The following DRAXIN variants were observed in gnomAD, a reference collection of about 807,000 sequenced individuals.
DRAXIN encodes dorsal inhibitory axon guidance protein, also known as dorsal repulsive axon guidance protein.
In DRAXIN, 27 loss-of-function variants were observed where a neutral mutation model predicts 33.9. The observed-to-expected ratio is 0.80, with a 90% CI of 0.59 to 1.10. DRAXIN has a LOEUF of 1.10. Among genes scored for constraint, DRAXIN ranks in the 50% least tolerant of loss-of-function variants. The pLI is 0.00. For synonymous variants in DRAXIN, 178 were observed against 194.0 expected (o/e 0.92, Z 0.69); for missense variants, 371 against 460.8 (o/e 0.81, Z 1.78).
At position 11,694,548 on chromosome 1, in the gene DRAXIN, C is replaced by A. The variant is rs576907859; in HGVS notation, c.-11+2695C>A. Among the ~76,000 whole-genome samples, 1 of 152,274 alleles carries A rather than the reference C, an allele frequency of 6.6e-6. No individual in the cohort carries two copies. Among genetic ancestry groups the A allele is most frequent in the East Asian group, 1.9e-4 (1 of 5,188 alleles). ...GCTGATCACTTAGCAGCTGTGGGAC[C>A]CAGAGGGAGTTCCTTCACGTGTGTC... On this transcript the variant is annotated intron_variant, in intron 1 of 6. Transcript: ENST00000294485. This position sits in a 1 kb window ranked among gnomAD's most constrained non-coding sequence, Gnocchi z 4.9.
chr1:11,715,271 T>A (rs1398701355), intron 6 of DRAXIN, 63 bp downstream of exon 6: 1 of 1,599,556 alleles, frequency 6.3e-7, no homozygotes, highest in African/African-American at 1.3e-5. Context: ...CCTCCCTTTC[T>A]CGAAGCGGCT....
intron 1 of DRAXIN, among the ~76,000 whole-genome samples, chr1:11,703,021 G>A (rs1641322246): frequency 6.6e-6 from 1 of 152,252 alleles, no homozygotes; most frequent in Non-Finnish European, 1.5e-5. Flanking sequence ...GGGATTACAG[G>A]CATGAGCAAC....
In DRAXIN at chr1:11,720,834, G is replaced by A. The variant is rs1446872588; in HGVS notation, c.*1138G>A. ...TTTTGGCAAGAGAGGCTCACACCCTGGTATTCCCTTCCTCTGTGGCTGGAA... is the reference window on the plus strand; with the variant it reads ...TTTTGGCAAGAGAGGCTCACACCCTAGTATTCCCTTCCTCTGTGGCTGGAA... On this transcript the variant is annotated 3_prime_UTR_variant, in exon 7 of 7. Coordinates refer to ENST00000294485, the MANE Select transcript of DRAXIN (RefSeq NM_198545.4). 1 of 152,152 alleles carries A rather than the reference G, an allele frequency of 6.6e-6. No homozygotes were observed. The highest frequency in any genetic ancestry group is 1.5e-5 in the Non-Finnish European group (1 of 68,030). The allele number at this position is 152,152 out of a possible 1,614,324, so 9.4% of individuals were successfully genotyped here.
rs1425468425 is a variant in DRAXIN at position 11,692,524 on chromosome 1, C to T, written c.-11+671C>T. ...GCCTGTGGTCTCCCGCTCTGTCCCT[C>T]CTGCTCCCCACCGCCGGCTTTTGGC... On this transcript the variant is annotated intron_variant, in intron 1 of 6. Coordinates refer to ENST00000294485, the MANE Select transcript of DRAXIN (RefSeq NM_198545.4). The surrounding 1 kb of genome is among the most constrained non-coding windows in gnomAD (Gnocchi z 5.8). Among the ~76,000 whole-genome samples the T allele has an allele frequency of 1.3e-5, 2 of 152,180 alleles. No individual in the cohort carries two copies. The highest frequency in any genetic ancestry group is 4.8e-5 in the African/African-American group (2 of 41,446).
At chr1:11,689,102 C>G (rs1641013946), upstream of DRAXIN, among the ~76,000 whole-genome samples, 1 of 152,106 alleles carries the variant, frequency 6.6e-6, no homozygotes, top group Non-Finnish European at 1.5e-5. Flanking sequence ...TCGAGACCCG[C>G]CTGGGCAACA....
At chr1:11,689,163 G>A (rs117856625), upstream of DRAXIN, among the ~76,000 whole-genome samples, 704 of 152,202 alleles carry the variant, frequency 4.6e-3, 6 homozygotes, top group East Asian at 0.021. Flanking sequence ...TGAGCATGGC[G>A]GTGTGTGCCT....
At chr1:11,687,116 A>G (rs1189630957), upstream of DRAXIN, among the ~76,000 whole-genome samples, 1 of 152,062 alleles carries the variant, frequency 6.6e-6, no homozygotes, top group Non-Finnish European at 1.5e-5. This position sits in a 1 kb window ranked among gnomAD's most constrained non-coding sequence, Gnocchi z 4.1. Context: ...TCTAGGCTGG[A>G]GTGCAGTGAC....
upstream of DRAXIN, among the ~76,000 whole-genome samples, chr1:11,686,723 CACA>C (rs1640962127): frequency 6.8e-6 from 1 of 146,206 alleles, no homozygotes; most frequent in South Asian, 2.2e-4. Context: ...AAATGCCTTA[CACA>C]ACATCAGGAG....
At position 11,709,290 on chromosome 1, in the gene DRAXIN, G is replaced by A. The variant is rs760505048; in HGVS notation, c.467G>A (p.Arg156Gln). The part of the protein sequence containing the change: ...LRLHQGRALV[R>Q]GPSSLMKKAE... Reference sequence around the variant, plus strand: ...TGTGTCTCAGGCCGAGCCTTGGTCCGAGGTCCCAGCTCCCTGATGAAGAAG... The same window carrying A: ...TGTGTCTCAGGCCGAGCCTTGGTCCAAGGTCCCAGCTCCCTGATGAAGAAG... Residue 156 changes from arginine (R) to glutamine (Q), a missense_variant, in exon 3 of 7, where the codon CGA becomes CAA. Transcript: ENST00000294485. 2.2e-5 allele frequency: 36 copies of A among 1,612,388 alleles called. No individual in the cohort carries two copies. The highest frequency in any genetic ancestry group is 3.3e-5 in the South Asian group (3 of 90,848).
At chr1:11,716,822 C>T (rs1641585626) in intron 6 of DRAXIN, among the ~76,000 whole-genome samples, 1 of 152,204 alleles carries the variant, frequency 6.6e-6, no homozygotes, top group East Asian at 1.9e-4. Flanking sequence ...ATTATTCACT[C>T]ATCTAATCAG....
intron 6 of DRAXIN, among the ~76,000 whole-genome samples, chr1:11,715,799 A>G (rs1025431019): frequency 4.6e-5 from 7 of 152,228 alleles, no homozygotes; most frequent in African/African-American, 1.4e-4. Flanking sequence ...CACTGTACAA[A>G]TAAGCCAACT....
In DRAXIN at chr1:11,706,238, T is replaced by C; in HGVS notation, c.-10-11T>C. ...TGGGGCTGCGCATTCATGGTGTTGC[T>C]CTTCTTGCAGGGAGGAGCCAATGGC... On this transcript the variant is annotated splice_polypyrimidine_tract_variant and intron_variant, in intron 1 of 6. Coordinates refer to ENST00000294485, the MANE Select transcript of DRAXIN (RefSeq NM_198545.4). The surrounding 1 kb of genome is among the most constrained non-coding windows in gnomAD (Gnocchi z 5.5). 6.4e-7 allele frequency: 1 copy of C among 1,559,444 alleles called. No individual in the cohort carries two copies. The highest frequency in any genetic ancestry group is 8.7e-7 in the Non-Finnish European group (1 of 1,153,230).
At chr1:11,716,596 T>C (rs201667911) in intron 6 of DRAXIN, among the ~76,000 whole-genome samples, 1 of 152,178 alleles carries the variant, frequency 6.6e-6, no homozygotes, top group Non-Finnish European at 1.5e-5. Context: ...GCCTGGATGA[T>C]GGAGCGAGAC....
chr1:11,687,175 C>A (rs1200396883), upstream of DRAXIN, among the ~76,000 whole-genome samples: 1 of 152,220 alleles, frequency 6.6e-6, no homozygotes, highest in African/African-American at 2.4e-5. This position sits in a 1 kb window ranked among gnomAD's most constrained non-coding sequence, Gnocchi z 4.1. Context: ...AAGCGATCCT[C>A]CCACCTCAGC....
Position 11,719,878 on chromosome 1 carries a change from G to C in DRAXIN, c.*182G>C. 1.7e-6 allele frequency: 1 copy of C among 602,746 alleles called. No individual in the cohort carries two copies. The highest frequency in any genetic ancestry group is 3.0e-6 in the Non-Finnish European group (1 of 335,318). 37.3% of individuals were successfully genotyped at this position (602,746 alleles called of 1,614,324 possible). A position where few individuals can be genotyped will look rare whatever the true frequency, so the allele number is the denominator to read the frequency against. On this transcript the variant is annotated 3_prime_UTR_variant, in exon 7 of 7. Coordinates refer to ENST00000294485, the MANE Select transcript of DRAXIN (RefSeq NM_198545.4). ...TGAGCTGGGTGGGTGCCCAGGAGCC[G>C]GCCCGCAGCACCTGCACACACGAAG...
intron 1 of DRAXIN, among the ~76,000 whole-genome samples, chr1:11,701,411 A>C (rs1534990): frequency 0.7 from 106,548 of 152,206 alleles, 37,643 homozygotes; most frequent in East Asian, 0.88. Flanking sequence ...AGTCTCCCTG[A>C]TGTACAGCGC....
intron 3 of DRAXIN, among the ~76,000 whole-genome samples, chr1:11,710,474 G>A (rs1035876309): frequency 5.9e-5 from 9 of 151,858 alleles, no homozygotes; most frequent in African/African-American, 1.5e-4. Context: ...CAGCCTGGGC[G>A]ACAGAGTGAG....
At chr1:11,699,981 G>A (rs1000286240) in intron 1 of DRAXIN, among the ~76,000 whole-genome samples, 12 of 149,924 alleles carry the variant, frequency 8.0e-5, no homozygotes, top group Non-Finnish European at 1.6e-4. Flanking sequence ...GCTCACACCT[G>A]TAATCCCAGC....
intron 6 of DRAXIN, among the ~76,000 whole-genome samples, chr1:11,717,080 T>C (rs993003271): frequency 1.3e-5 from 2 of 150,528 alleles, no homozygotes; most frequent in African/African-American, 4.9e-5. Flanking sequence ...AGGTCAGGAG[T>C]GAGACCAGCC....
Sources: allele counts gnomAD v4.1 joint callset (sites outside exome capture counted in the v4.1 genomes callset), GRCh38; gene constraint gnomAD v4.1.1; non-coding constraint Gnocchi (gnomAD v3.1); transcripts MANE v1.5; gene names NCBI Gene and HGNC (gene_info 2026-07-23, HGNC 2026-07-21).